FMN1: variants seen among roughly 807,000 people sequenced by gnomAD.
The protein encoded by FMN1 is formin-1.
In FMN1, 110 loss-of-function variants were observed where a neutral mutation model predicts 132.4. That is an observed-to-expected ratio of 0.83 (90% CI 0.71 to 0.97). The LOEUF (loss-of-function observed/expected upper bound fraction) is 0.97, where lower values mean the gene tolerates loss of function less well. FMN1 is among the 50% of genes least tolerant of loss of function. The probability of loss-of-function intolerance (pLI) is 0.00; values close to 1 mark genes in which losing one functional copy is unlikely to be tolerated. For synonymous variants in FMN1, 722 were observed against 651.7 expected (o/e 1.11, Z -1.64); for missense variants, 1,792 against 1,705.3 (o/e 1.05, Z -0.90).
chr15:32,929,589 C>T (rs576445947), intron 9 of FMN1, among the ~76,000 whole-genome samples: 8 of 152,248 alleles, frequency 5.3e-5, no homozygotes, highest in African/African-American at 1.9e-4. Context: ...ATTTCCAATT[C>T]GCCGTTGTTC....
At chr15:32,980,217 G>A (rs558201303) in intron 7 of FMN1, among the ~76,000 whole-genome samples, 90 of 151,254 alleles carry the variant, frequency 6.0e-4, no homozygotes, top group African/African-American at 2.1e-3. Context: ...GCCAGAAAGG[G>A]ATCACAAAAT....
intron 10 of FMN1, among the ~76,000 whole-genome samples, chr15:32,915,187 G>A (rs1171475677): frequency 6.6e-6 from 1 of 152,124 alleles, no homozygotes; most frequent in African/African-American, 2.4e-5. Context: ...CAAGTCCTAG[G>A]ATGCCTAAGA....
At chr15:32,937,146 T>C (rs2061295124) in intron 9 of FMN1, among the ~76,000 whole-genome samples, 1 of 152,192 alleles carries the variant, frequency 6.6e-6, no homozygotes, top group South Asian at 2.1e-4. Flanking sequence ...TTGCACTGAA[T>C]GCATACTAAT....
intron 9 of FMN1, among the ~76,000 whole-genome samples, chr15:32,933,197 A>G (rs546354168): frequency 1.3e-5 from 2 of 152,080 alleles, no homozygotes; most frequent in African/African-American, 2.4e-5. Context: ...TTGTCACAAG[A>G]TATTTTCCAA....
At chr15:32,891,818 A>G (rs1247658891) in intron 15 of FMN1, among the ~76,000 whole-genome samples, 2 of 152,094 alleles carry the variant, frequency 1.3e-5, no homozygotes, top group African/African-American at 4.8e-5. Context: ...ATTTGCAGCT[A>G]TTGTAAAAGA....
chr15:32,888,603 T>TG (rs974067134), intron 15 of FMN1, among the ~76,000 whole-genome samples: 19 of 152,114 alleles, frequency 1.2e-4, no homozygotes, highest in Non-Finnish European at 2.4e-4. Flanking sequence ...CCATGAAAAA[T>TG]GGAAGAGGGG....
At chr15:33,188,339 CA>C (rs915145491) in intron 2 of FMN1, among the ~76,000 whole-genome samples, 13 of 151,030 alleles carry the variant, frequency 8.6e-5, no homozygotes, top group African/African-American at 3.2e-4. Context: ...GACTTTGTCT[CA>C]AAAAAAAAGT....
intron 6 of FMN1, among the ~76,000 whole-genome samples, chr15:33,016,582 A>G (rs2035058059): frequency 6.6e-6 from 1 of 152,218 alleles, no homozygotes; most frequent in African/African-American, 2.4e-5. Flanking sequence ...AACAGCTGCC[A>G]GCAGAGCTTT....
At chr15:32,967,451 CGGAA>C (rs1567478460) in intron 8 of FMN1, among the ~76,000 whole-genome samples, 4 of 152,156 alleles carry the variant, frequency 2.6e-5, no homozygotes, top group African/African-American at 9.7e-5. Flanking sequence ...AACACTAATA[CGGAA>C]ACATGACTCA....
At chr15:32,991,265 T>C (rs1291576849) in intron 7 of FMN1, among the ~76,000 whole-genome samples, 1 of 152,198 alleles carries the variant, frequency 6.6e-6, no homozygotes, top group Non-Finnish European at 1.5e-5. Context: ...TTCTACATTC[T>C]CAGGAATACT....
intron 4 of FMN1, among the ~76,000 whole-genome samples, chr15:33,125,140 G>A (rs527283575): frequency 1.3e-5 from 2 of 152,256 alleles, no homozygotes; most frequent in African/African-American, 2.4e-5. Flanking sequence ...GCCAAATGAT[G>A]CGGTAGAATG....
intron 6 of FMN1, among the ~76,000 whole-genome samples, chr15:33,044,986 ATTGTG>A: frequency 6.6e-6 from 1 of 152,308 alleles, no homozygotes; most frequent in Non-Finnish European, 1.5e-5. Context: ...TGCTTGCCAC[ATTGTG>A]GGTGACAAGG....
intron 4 of FMN1, among the ~76,000 whole-genome samples, chr15:33,100,732 G>T (rs1332356654): frequency 6.6e-6 from 1 of 152,110 alleles, no homozygotes; most frequent in East Asian, 1.9e-4. Flanking sequence ...TAAGTAAATG[G>T]AAGCTAATCA....
chr15:32,994,113 T>G (rs78755538), intron 7 of FMN1, among the ~76,000 whole-genome samples: 1 of 152,210 alleles, frequency 6.6e-6, no homozygotes, highest in East Asian at 1.9e-4. Flanking sequence ...TGAGATAGCA[T>G]ATTAACATAT....
At chr15:33,102,663 G>A (rs540468537) in intron 4 of FMN1, among the ~76,000 whole-genome samples, 1 of 152,068 alleles carries the variant, frequency 6.6e-6, no homozygotes, top group African/African-American at 2.4e-5. Flanking sequence ...TGCCTCGTGG[G>A]TTATATATGA....
chr15:33,063,854 A>C (rs1418046276), intron 6 of FMN1: 1 of 152,170 alleles, frequency 6.6e-6, no homozygotes, highest in African/African-American at 2.4e-5. Context: ...TATGCTGTTC[A>C]TTCTTACACA....
At chr15:33,012,900 T>A in intron 6 of FMN1, 1 of 561,588 alleles carries the variant, frequency 1.8e-6, no homozygotes. Context: ...GCTACAATGA[T>A]TTTGGCAATT....
At chr15:32,873,098 C>T (rs1287162321) in intron 16 of FMN1, among the ~76,000 whole-genome samples, 2 of 152,180 alleles carry the variant, frequency 1.3e-5, no homozygotes, top group African/African-American at 4.8e-5. Flanking sequence ...CAATATTTGG[C>T]TCAGACATTT....
chr15:33,128,008 A>G (rs936558502), intron 4 of FMN1, among the ~76,000 whole-genome samples: 9 of 152,174 alleles, frequency 5.9e-5, no homozygotes, highest in African/African-American at 2.2e-4. Context: ...GAAGGGGAAA[A>G]TAGACAAATC....
Sources: gnomAD v4.1 joint callset for allele counts (sites outside exome capture counted in the v4.1 genomes callset) on GRCh38, gnomAD v4.1.1 for gene constraint, MANE v1.5 for transcripts, NCBI Gene and HGNC (gene_info 2026-07-23, HGNC 2026-07-21) for gene names.